Variants in KPNA6 observed in about 807,000 individuals in gnomAD.
KPNA6 encodes karyopherin subunit alpha 6, also known as importin subunit alpha-7.
In KPNA6, 9 loss-of-function variants were observed where a neutral mutation model predicts 72.0. The ratio of observed to expected loss-of-function variants is 0.13; its 90% CI spans 0.08 to 0.22. The LOEUF is 0.22. KPNA6 is among the 10% of genes least tolerant of loss of function. KPNA6 has a pLI of 1.00. For missense variants in KPNA6, 374 were observed against 655.7 expected (o/e 0.57, Z 4.69); for synonymous variants, 219 against 242.1 (o/e 0.90, Z 0.89).
At chr1:32,169,364 C>CA (rs1297416743) in intron 12 of KPNA6, among the ~76,000 whole-genome samples, 5,663 of 121,002 alleles carry the variant, frequency 0.047, 336 homozygotes, top group African/African-American at 0.16. Context: ...GACCCTGTCT[C>CA]AAAAAAAAAA....
chr1:32,131,777 T>G (rs934303834), intron 1 of KPNA6, among the ~76,000 whole-genome samples: 1 of 151,380 alleles, frequency 6.6e-6, no homozygotes, highest in Non-Finnish European at 1.5e-5. Context: ...TCCAGCACTT[T>G]GGGAGGACAA....
At chr1:32,119,032 A>ATATATATATATAT (rs1167325052) in intron 1 of KPNA6, among the ~76,000 whole-genome samples, 1 of 40,272 alleles carries the variant, frequency 2.5e-5, no homozygotes, top group African/African-American at 1.0e-4. Flanking sequence ...ATATATATAT[A>ATATATATATATAT]TTTTTTTTTT....
intron 1 of KPNA6, among the ~76,000 whole-genome samples, chr1:32,132,447 C>T (rs1641655238): frequency 6.6e-6 from 1 of 152,210 alleles, no homozygotes; most frequent in Non-Finnish European, 1.5e-5. Context: ...CACATGCCCC[C>T]ATGTCTGGCT....
intron 1 of KPNA6, among the ~76,000 whole-genome samples, chr1:32,119,462 G>A (rs575086487): frequency 1.3e-5 from 2 of 152,272 alleles, no homozygotes; most frequent in African/African-American, 4.8e-5. Context: ...TTCAGCAAAT[G>A]ATTATTAAGT....
At chr1:32,163,599 GAGTT>G (rs1190663024) in intron 10 of KPNA6, among the ~76,000 whole-genome samples, 1 of 152,324 alleles carries the variant, frequency 6.6e-6, no homozygotes, top group Non-Finnish European at 1.5e-5. Flanking sequence ...GGGACATTGT[GAGTT>G]AGTTAAGTTT....
At chr1:32,170,186 G>C in intron 13 of KPNA6, 126 bp downstream of exon 13, 1 of 811,172 alleles carries the variant, frequency 1.2e-6, no homozygotes, top group African/African-American at 1.7e-5. Flanking sequence ...ACTGATGTCT[G>C]TGTCTTCAGA....
At chr1:32,164,725 CTT>C (rs1642301605) in intron 10 of KPNA6, among the ~76,000 whole-genome samples, 1 of 137,462 alleles carries the variant, frequency 7.3e-6, no homozygotes, top group Non-Finnish European at 1.6e-5. Flanking sequence ...CTATTCAAGT[CTT>C]TTGCTCATGT....
intron 1 of KPNA6, among the ~76,000 whole-genome samples, chr1:32,125,529 T>C (rs1641516290): frequency 6.6e-6 from 1 of 152,232 alleles, no homozygotes; most frequent in African/African-American, 2.4e-5. Context: ...TTTTGTAGCA[T>C]AGATCCTGCA....
intron 1 of KPNA6, among the ~76,000 whole-genome samples, chr1:32,147,937 A>T (rs1223181205): frequency 1.3e-5 from 2 of 152,046 alleles, no homozygotes; most frequent in Non-Finnish European, 2.9e-5. Flanking sequence ...GAGTGCTAGG[A>T]TTACAGGCCT....
At chr1:32,147,374 A>T (rs567260164) in intron 1 of KPNA6, among the ~76,000 whole-genome samples, 7 of 152,202 alleles carry the variant, frequency 4.6e-5, no homozygotes, top group African/African-American at 1.7e-4. Flanking sequence ...TCACTGCAGC[A>T]TCAACCTCCT....
chr1:32,108,270 G>A, intron 1 of KPNA6, 136 bp downstream of exon 1: 3 of 1,299,890 alleles, frequency 2.3e-6, no homozygotes, highest in South Asian at 1.2e-5. Flanking sequence ...AAGTCAGGCC[G>A]GGAGTGCCCC....
chr1:32,138,312 A>G (rs1218206641), intron 1 of KPNA6, among the ~76,000 whole-genome samples: 3 of 151,838 alleles, frequency 2.0e-5, no homozygotes, highest in Non-Finnish European at 4.4e-5. Context: ...TGGGAGGCCA[A>G]GGCGGGTGGA....
chr1:32,136,181 C>CTTTTTTTT (rs759447035), intron 1 of KPNA6, among the ~76,000 whole-genome samples: 3 of 139,302 alleles, frequency 2.2e-5, no homozygotes, highest in African/African-American at 8.1e-5. Flanking sequence ...TAGCTTCTCT[C>CTTTTTTTT]TTTTTTTTTT....
In KPNA6 at chr1:32,162,479, C is replaced by T. The variant is rs774579162; in HGVS notation, c.866C>T (p.Ala289Val). Residue 289 changes from alanine (A) to valine (V), a missense_variant, in exon 9 of 14, where the codon GCA (alanine) becomes GTA (valine). Transcript: ENST00000373625. ...GATGGCCCCAATGAGAAGATCCAGG[C>T]AGTCATAGACTCCGGAGTCTGCCGG... is the stretch of plus-strand genomic sequence containing the variant. ...LSDGPNEKIQ[A>V]VIDSGVCRRL... The T allele has an allele frequency of 6.2e-7, 1 of 1,614,112 alleles. No homozygotes were observed. The highest frequency in any genetic ancestry group is 8.5e-7 in the Non-Finnish European group (1 of 1,180,016).
rs191062832 is a variant in KPNA6 at position 32,137,851 on chromosome 1, T to C, written c.5-16737T>C. On this transcript the variant is annotated intron_variant, in intron 1 of 13. Coordinates refer to ENST00000373625, the MANE Select transcript of KPNA6 (RefSeq NM_012316.5). ...GGCATTAACTGCGAAATAGGGAAGA[T>C]AGGCCAGGCACAGTGGCTCACGCCT... is the stretch of plus-strand genomic sequence containing the variant. Among the ~76,000 whole-genome samples the C allele has an allele frequency of 1.1e-4, 16 of 152,168 alleles. No homozygotes were observed. In the East Asian group the frequency reaches 1.7e-3, roughly 17 times the overall value.
intron 1 of KPNA6, among the ~76,000 whole-genome samples, chr1:32,149,592 G>A (rs1464299107): frequency 6.6e-6 from 1 of 151,882 alleles, no homozygotes; most frequent in Non-Finnish European, 1.5e-5. Context: ...GTGTCCATGT[G>A]CCTTATTTTT....
intron 1 of KPNA6, among the ~76,000 whole-genome samples, chr1:32,129,034 C>G (rs1303306073): frequency 6.6e-6 from 1 of 152,172 alleles, no homozygotes; most frequent in Non-Finnish European, 1.5e-5. Context: ...GCTCTTTTCA[C>G]CAGTACCACA....
intron 1 of KPNA6, among the ~76,000 whole-genome samples, chr1:32,136,472 T>C (rs1641737906): frequency 6.6e-6 from 1 of 152,098 alleles, no homozygotes; most frequent in Admixed American, 6.6e-5. Context: ...TGCCTTTAGC[T>C]TCTCTTGAAA....
At chr1:32,117,887 A>C (rs1405576085) in intron 1 of KPNA6, among the ~76,000 whole-genome samples, 4 of 151,938 alleles carry the variant, frequency 2.6e-5, no homozygotes, top group African/African-American at 9.7e-5. Flanking sequence ...TCTCTTCCCC[A>C]CCCATCTTTT....
Sources: allele counts gnomAD v4.1 joint callset (sites outside exome capture counted in the v4.1 genomes callset), GRCh38; gene constraint gnomAD v4.1.1; transcripts MANE v1.5; gene names NCBI Gene and HGNC (gene_info 2026-07-23, HGNC 2026-07-21).